CPXM2: variants seen among roughly 807,000 people sequenced by gnomAD.
CPXM2 encodes the protein inactive carboxypeptidase-like protein X2.
CPXM2 carries 66 observed loss-of-function variants against 86.1 expected under a neutral mutation model. That is an observed-to-expected ratio of 0.77 (90% CI 0.63 to 0.94). The LOEUF is 0.94. CPXM2 is among the 40% of genes least tolerant of loss of function. The pLI, the probability that CPXM2 is intolerant of heterozygous loss-of-function variation, is 0.00. For synonymous variants in CPXM2, 388 were observed against 400.2 expected (o/e 0.97, Z 0.36); for missense variants, 948 against 1,026.3 (o/e 0.92, Z 1.04).
chr10:123,871,721 T>C (rs1944899312), intron 2 of CPXM2, among the ~76,000 whole-genome samples: 1 of 152,216 alleles, frequency 6.6e-6, no homozygotes, highest in East Asian at 1.9e-4. Context: ...TGATGATTGG[T>C]CTATATTAAA....
chr10:123,883,707 G>C (rs1945132532), intron 1 of CPXM2, among the ~76,000 whole-genome samples: 1 of 152,286 alleles, frequency 6.6e-6, no homozygotes, highest in Non-Finnish European at 1.5e-5. Context: ...TGCTCAGAGG[G>C]GAGAAGAGAG....
chr10:123,841,404 T>G (rs1307589872), intron 4 of CPXM2, among the ~76,000 whole-genome samples: 1 of 152,250 alleles, frequency 6.6e-6, no homozygotes, highest in Non-Finnish European at 1.5e-5. Context: ...TCTTGAACTG[T>G]ACAGTTTTGT....
chr10:123,832,972 C>A (rs1326616191), intron 4 of CPXM2, among the ~76,000 whole-genome samples: 1 of 152,116 alleles, frequency 6.6e-6, no homozygotes, highest in Non-Finnish European at 1.5e-5. Flanking sequence ...AGAGTTCATC[C>A]CCTCTGGAGG....
At chr10:123,851,451 A>C (rs558604334) in intron 3 of CPXM2, among the ~76,000 whole-genome samples, 3 of 152,322 alleles carry the variant, frequency 2.0e-5, no homozygotes, top group East Asian at 1.9e-4. Context: ...AACTCTTGGA[A>C]TCTCAGAATG....
chr10:123,771,361 T>C (rs1318824801), intron 7 of CPXM2, among the ~76,000 whole-genome samples: 1 of 152,138 alleles, frequency 6.6e-6, no homozygotes, highest in African/African-American at 2.4e-5. Flanking sequence ...CCAAATGTTA[T>C]GTCTCTCAAA....
chr10:123,937,240 C>T (rs1945728673), intron 2 of CPXM2, among the ~76,000 whole-genome samples: 5 of 152,136 alleles, frequency 3.3e-5, no homozygotes, highest in Admixed American at 3.3e-4. Flanking sequence ...CCACCCCTCC[C>T]CAGTTGTGGG....
chr10:123,855,830 G>A (rs1056346579), intron 3 of CPXM2, among the ~76,000 whole-genome samples: 1 of 152,186 alleles, frequency 6.6e-6, no homozygotes, highest in African/African-American at 2.4e-5. Flanking sequence ...GGAAATGACT[G>A]AGGAGAGGAC....
intron 4 of CPXM2, among the ~76,000 whole-genome samples, chr10:123,826,569 G>A (rs1848051238): frequency 6.6e-6 from 1 of 152,044 alleles, no homozygotes; most frequent in South Asian, 2.1e-4. Flanking sequence ...TTCATAATAG[G>A]ATGTTAATAG....
At chr10:123,911,347 C>T (rs2134270582) in intron 2 of CPXM2, among the ~76,000 whole-genome samples, 1 of 152,166 alleles carries the variant, frequency 6.6e-6, no homozygotes, top group East Asian at 2.0e-4. Flanking sequence ...GGTCCCCCGG[C>T]AGCTGCTAGG....
chr10:123,912,659 C>T (rs1049499908), intron 2 of CPXM2, among the ~76,000 whole-genome samples: 8 of 152,178 alleles, frequency 5.3e-5, no homozygotes, highest in Admixed American at 2.0e-4. Flanking sequence ...AACTGAAACA[C>T]GCCCAGCCCT....
intron 6 of CPXM2, among the ~76,000 whole-genome samples, chr10:123,790,927 G>T (rs971101428): frequency 1.3e-5 from 2 of 152,156 alleles, no homozygotes; most frequent in Non-Finnish European, 2.9e-5. Context: ...TCTAACTGGG[G>T]CCCACCTGAA....
At chr10:123,830,823 C>T (rs1848149647) in intron 4 of CPXM2, among the ~76,000 whole-genome samples, 1 of 151,790 alleles carries the variant, frequency 6.6e-6, no homozygotes, top group Non-Finnish European at 1.5e-5. Flanking sequence ...CATGGGTGCA[C>T]ACAACACTTG....
intron 1 of CPXM2, among the ~76,000 whole-genome samples, chr10:123,882,545 GA>G (rs1391462886): frequency 6.6e-6 from 1 of 152,088 alleles, no homozygotes; most frequent in Admixed American, 6.5e-5. Flanking sequence ...GAAAAGGAAA[GA>G]AAAAAATTTC....
At chr10:123,884,109 C>A (rs1237407114) in intron 1 of CPXM2, among the ~76,000 whole-genome samples, 1 of 152,118 alleles carries the variant, frequency 6.6e-6, no homozygotes, top group Non-Finnish European at 1.5e-5. Context: ...AAAAAAAATG[C>A]TTTGCTGCAA....
chr10:123,803,912 A>G (rs1847521001), intron 4 of CPXM2, among the ~76,000 whole-genome samples: 1 of 152,066 alleles, frequency 6.6e-6, no homozygotes, highest in Non-Finnish European at 1.5e-5. Context: ...TGCCTGCCTC[A>G]GCCTCCCAAA....
At chr10:123,868,138 C>G (rs1010386794) in intron 2 of CPXM2, among the ~76,000 whole-genome samples, 2 of 152,194 alleles carry the variant, frequency 1.3e-5, no homozygotes, top group Non-Finnish European at 2.9e-5. Flanking sequence ...CAGCCCCACC[C>G]TGGGCTGGCA....
intron 4 of CPXM2, among the ~76,000 whole-genome samples, chr10:123,827,083 C>A (rs55717808): frequency 6.6e-6 from 1 of 152,072 alleles, no homozygotes; most frequent in African/African-American, 2.4e-5. Flanking sequence ...TTCAAGCATT[C>A]GTGGAGCATT....
chr10:123,772,828 G>T (rs1433772904), intron 7 of CPXM2, among the ~76,000 whole-genome samples: 3 of 151,410 alleles, frequency 2.0e-5, no homozygotes, highest in Non-Finnish European at 4.4e-5. Context: ...CCTGGTTGTG[G>T]TTATCACCTC....
chr10:123,873,616 G>A (rs1944929676), intron 2 of CPXM2, among the ~76,000 whole-genome samples: 1 of 152,140 alleles, frequency 6.6e-6, no homozygotes, highest in Admixed American at 6.5e-5. Flanking sequence ...CAGATGTCAA[G>A]ATTTGTTATA....
Sources: allele counts gnomAD v4.1 joint callset (sites outside exome capture counted in the v4.1 genomes callset), GRCh38; gene constraint gnomAD v4.1.1; transcripts MANE v1.5; gene names NCBI Gene and HGNC (gene_info 2026-07-23, HGNC 2026-07-21).